GPR158: variants seen among roughly 807,000 people sequenced by gnomAD.
GPR158 encodes the protein G protein-coupled receptor 158, also known as metabotropic glycine receptor.
In GPR158, 30 loss-of-function variants were observed where a neutral mutation model predicts 78.2. The observed-to-expected ratio is 0.38, with a 90% confidence interval of 0.29 to 0.52. The LOEUF (loss-of-function observed/expected upper bound fraction) is 0.52. Ranked by LOEUF, GPR158 falls within the 20% of genes least tolerant of loss-of-function variation. The probability of loss-of-function intolerance (pLI) is 0.83; values close to 1 mark genes in which losing one functional copy is unlikely to be tolerated. For missense variants in GPR158, 1,463 were observed against 1,523.5 expected, an observed-to-expected ratio of 0.96 and a Z score of 0.66; for synonymous variants, 581 against 591.1, an observed-to-expected ratio of 0.98 and a Z score of 0.25.
At chr10:25,358,766 C>G (rs1196586711) in intron 2 of GPR158, among the ~76,000 whole-genome samples, 1 of 151,984 alleles carries the variant, frequency 6.6e-6, no homozygotes, top group Non-Finnish European at 1.5e-5. Context: ...TTTGTGAACT[C>G]CCAGATTTTT....
rs1175586259 is a variant in GPR158 at position 25,385,476 on chromosome 10, A to T, written c.1009-10435A>T. Among the ~76,000 whole-genome samples the T allele has an allele frequency of 2.0e-5, 3 of 152,276 alleles. No homozygotes were observed. The East Asian group carries it at 5.8e-4, about 29-fold the overall frequency. ...ATTCCTGCTTTGAATTATTTTGGAT[A>T]CATACCAAAAAGGGATTGCAAGACC... On this transcript the variant is annotated intron_variant, in intron 2 of 10. Coordinates refer to ENST00000376351, the MANE Select transcript of GPR158 (RefSeq NM_020752.3).
intron 2 of GPR158, among the ~76,000 whole-genome samples, chr10:25,349,253 C>A (rs1855419763): frequency 6.6e-6 from 1 of 151,942 alleles, no homozygotes; most frequent in Non-Finnish European, 1.5e-5. Context: ...GTTGTCTCAC[C>A]TCCTTTCCTG....
chr10:25,377,843 G>T (rs1181561418), intron 2 of GPR158, among the ~76,000 whole-genome samples: 1 of 151,936 alleles, frequency 6.6e-6, no homozygotes, highest in African/African-American at 2.4e-5. Context: ...GAAAATTTTT[G>T]TGCATATTTT....
At chr10:25,572,233 A>G (rs951632845) in intron 6 of GPR158, among the ~76,000 whole-genome samples, 6 of 152,328 alleles carry the variant, frequency 3.9e-5, no homozygotes, top group African/African-American at 1.2e-4. Flanking sequence ...TATTGACTCA[A>G]TGGACTCTAA....
intron 5 of GPR158, among the ~76,000 whole-genome samples, chr10:25,491,632 G>T: frequency 6.6e-6 from 1 of 152,054 alleles, no homozygotes; most frequent in Middle Eastern, 3.2e-3. Context: ...TGTAATTCTT[G>T]ATGGGTTTTG....
At chr10:25,488,364 G>T (rs1017731818) in intron 5 of GPR158, among the ~76,000 whole-genome samples, 1 of 152,148 alleles carries the variant, frequency 6.6e-6, no homozygotes, top group African/African-American at 2.4e-5. Context: ...GAAAAACTGG[G>T]ATTCTTTTCA....
chr10:25,533,216 T>A (rs528627815), intron 5 of GPR158, among the ~76,000 whole-genome samples: 36 of 152,332 alleles, frequency 2.4e-4, no homozygotes, highest in African/African-American at 8.7e-4. Flanking sequence ...ATCCCCAGCC[T>A]TAATCTGAGC....
At chr10:25,366,063 T>G (rs992985817) in intron 2 of GPR158, among the ~76,000 whole-genome samples, 4 of 151,794 alleles carry the variant, frequency 2.6e-5, no homozygotes, top group Non-Finnish European at 5.9e-5. Context: ...TATATTTACT[T>G]TTATTGTTGT....
chr10:25,524,015 T>A (rs1300269780), intron 5 of GPR158, among the ~76,000 whole-genome samples: 2 of 152,042 alleles, frequency 1.3e-5, no homozygotes, highest in Non-Finnish European at 2.9e-5. Context: ...TAAAAGCAAT[T>A]TAATTTTCTT....
chr10:25,456,299 C>T (rs1352306126), intron 4 of GPR158, among the ~76,000 whole-genome samples: 5 of 152,108 alleles, frequency 3.3e-5, no homozygotes, highest in African/African-American at 1.2e-4. Context: ...TAGAGTGTAG[C>T]ATAAGGAACA....
chr10:25,244,861 C>A (rs1176708340), intron 2 of GPR158: 1 of 144,160 alleles, frequency 6.9e-6, no homozygotes, highest in Non-Finnish European at 1.5e-5. Flanking sequence ...TTTTTTAATT[C>A]TTGACGCCAA....
intron 7 of GPR158, among the ~76,000 whole-genome samples, chr10:25,586,609 C>T (rs1379425378): frequency 6.6e-6 from 1 of 151,900 alleles, no homozygotes; most frequent in African/African-American, 2.4e-5. Context: ...GACAGGGTTT[C>T]ACCAATGTTA....
chr10:25,447,744 A>G (rs977599432), intron 4 of GPR158, among the ~76,000 whole-genome samples: 14 of 152,330 alleles, frequency 9.2e-5, no homozygotes, highest in Middle Eastern at 3.4e-3. Context: ...ATAAAGATCT[A>G]TTGACTTTTT....
chr10:25,536,842 G>C (rs1473299749), intron 5 of GPR158, among the ~76,000 whole-genome samples: 1 of 152,194 alleles, frequency 6.6e-6, no homozygotes, highest in Non-Finnish European at 1.5e-5. Context: ...GGAGCAGCAG[G>C]ATTAGCATCC....
intron 4 of GPR158, among the ~76,000 whole-genome samples, chr10:25,460,437 C>T (rs1265946773): frequency 1.3e-5 from 2 of 152,100 alleles, no homozygotes; most frequent in Non-Finnish European, 2.9e-5. Flanking sequence ...TCAATTGATC[C>T]GCCCACCTCG....
At chr10:25,353,863 G>A (rs1262846856) in intron 2 of GPR158, among the ~76,000 whole-genome samples, 1 of 152,000 alleles carries the variant, frequency 6.6e-6, no homozygotes, top group Admixed American at 6.6e-5. Context: ...GTATTATTAA[G>A]TAAGAACTTA....
intron 2 of GPR158, among the ~76,000 whole-genome samples, chr10:25,370,342 C>T (rs367860560): frequency 0.047 from 6,714 of 141,924 alleles, 378 homozygotes; most frequent in African/African-American, 0.14. Context: ...GCTTTGAATG[C>T]GTCCCAGAGA....
chr10:25,483,977 T>C (rs1835698438), intron 5 of GPR158, among the ~76,000 whole-genome samples: 1 of 152,214 alleles, frequency 6.6e-6, no homozygotes, highest in African/African-American at 2.4e-5. Context: ...AATGTATAGC[T>C]TGGCATCTCT....
intron 5 of GPR158, among the ~76,000 whole-genome samples, chr10:25,536,000 G>A (rs1836495582): frequency 6.6e-6 from 1 of 152,118 alleles, no homozygotes; most frequent in South Asian, 2.1e-4. Flanking sequence ...AACTGTTGAG[G>A]AAAGTGAGGC....
Sources: gnomAD v4.1 joint callset for allele counts (sites outside exome capture counted in the v4.1 genomes callset) on GRCh38, gnomAD v4.1.1 for gene constraint, MANE v1.5 for transcripts, NCBI Gene and HGNC (gene_info 2026-07-23, HGNC 2026-07-21) for gene names.